TMEM132D: variants seen among roughly 807,000 people sequenced by gnomAD.
The protein encoded by TMEM132D is transmembrane protein 132D, also known as mature OL transmembrane protein.
A neutral mutation model predicts 62.3 loss-of-function variants in TMEM132D; 21 were observed. That is an observed-to-expected ratio of 0.34 (90% CI 0.24 to 0.49). TMEM132D has a LOEUF of 0.49. TMEM132D is among the 20% of genes least tolerant of loss of function. The probability of loss-of-function intolerance (pLI) is 0.99; values close to 1 mark genes in which losing one functional copy is unlikely to be tolerated. For synonymous variants in TMEM132D, 621 were observed against 575.6 expected (o/e 1.08, Z -1.13); for missense variants, 1,346 against 1,402.8 (o/e 0.96, Z 0.65).
At chr12:129,304,724 C>T (rs541859817) in intron 4 of TMEM132D, among the ~76,000 whole-genome samples, 10 of 131,658 alleles carry the variant, frequency 7.6e-5, no homozygotes, top group East Asian at 2.3e-4. Context: ...AATGCAGTGT[C>T]GCAATCTCAG....
intron 1 of TMEM132D, among the ~76,000 whole-genome samples, chr12:129,778,478 C>T (rs1871019860): frequency 6.6e-6 from 1 of 152,138 alleles, no homozygotes. Flanking sequence ...CTGTTTGTGA[C>T]TCCCGAAAGA....
At position 129,277,930 on chromosome 12, in the gene TMEM132D, CCA is replaced by C. The variant is rs1407117958; in HGVS notation, c.1299+59702_1299+59703del. Among the ~76,000 whole-genome samples, 1 of 152,154 alleles carries C rather than the reference CCA, an allele frequency of 6.6e-6. No individual in the cohort carries two copies. Among genetic ancestry groups the C allele is most frequent in the Non-Finnish European group, 1.5e-5 (1 of 68,042 alleles). On this transcript the variant is annotated intron_variant, in intron 4 of 8. Coordinates refer to ENST00000422113, the MANE Select transcript of TMEM132D (RefSeq NM_133448.3). This position sits in a 1 kb window ranked among gnomAD's most constrained non-coding sequence, Gnocchi z 4.2. ...AGAGAGCAGCAAATGTCCTAAATGA[CCA>C]CCAGTCTTCTGGTTGCCCACCTTTC...
chr12:129,087,937 A>C (rs796323649), intron 5 of TMEM132D, among the ~76,000 whole-genome samples: 645 of 27,998 alleles, frequency 0.023, 20 homozygotes, highest in Admixed American at 0.043. Context: ...GGTGTCCTCC[A>C]TGACCGGGGT....
chr12:129,088,797 C>T lies in TMEM132D; in HGVS notation c.1444-4095G>A, dbSNP rs559279625. On this transcript the variant is annotated intron_variant, in intron 5 of 8. Coordinates refer to ENST00000422113, the MANE Select transcript of TMEM132D (RefSeq NM_133448.3). The stretch of plus-strand genomic sequence containing the variant: ...CCATGACCGGGGTGTCCTCCATGAC[C>T]GGGTGTCCTCCCTGACCGGGTGTCC... 7.0e-5 allele frequency among the ~76,000 whole-genome samples: 3 copies of T among 42,752 alleles called. 1 individual carries two copies. In the East Asian group the frequency reaches 5.6e-3, roughly 80 times the overall value. The allele number at this position is 42,752 out of a possible 152,430, so 28.0% of individuals were successfully genotyped here.
At chr12:129,739,802 T>C (rs902373405) in intron 1 of TMEM132D, among the ~76,000 whole-genome samples, 8 of 152,170 alleles carry the variant, frequency 5.3e-5, no homozygotes, top group Admixed American at 2.6e-4. Context: ...GATGAAGTCA[T>C]CTAGCAAAAT....
intron 4 of TMEM132D, among the ~76,000 whole-genome samples, chr12:129,217,975 A>G (rs1449568026): frequency 1.3e-5 from 2 of 152,272 alleles, no homozygotes; most frequent in East Asian, 3.9e-4. Context: ...CCCCTGGTCA[A>G]AAGTAGGCAG....
chr12:129,780,310 G>A (rs1238319620), intron 1 of TMEM132D, among the ~76,000 whole-genome samples: 4 of 147,862 alleles, frequency 2.7e-5, no homozygotes, highest in African/African-American at 7.5e-5. Context: ...TCAGGGCTTT[G>A]GCTTAGCTTG....
chr12:129,612,873 C>T (rs1457417126), intron 2 of TMEM132D, among the ~76,000 whole-genome samples: 2 of 152,122 alleles, frequency 1.3e-5, no homozygotes, highest in African/African-American at 2.4e-5. Flanking sequence ...CTCCAACAAA[C>T]GGACAAACAA....
At chr12:129,653,047 T>C (rs190487108) in intron 2 of TMEM132D, among the ~76,000 whole-genome samples, 91 of 152,318 alleles carry the variant, frequency 6.0e-4, no homozygotes, top group South Asian at 3.9e-3. Flanking sequence ...AGTGGACGCA[T>C]TTTAAGTCAG....
At chr12:129,640,221 G>T (rs993970544) in intron 2 of TMEM132D, among the ~76,000 whole-genome samples, 3 of 152,138 alleles carry the variant, frequency 2.0e-5, no homozygotes, top group Non-Finnish European at 4.4e-5. Context: ...AAATATATTA[G>T]GTTCTCCAGG....
chr12:129,319,762 C>T (rs7961676), intron 4 of TMEM132D, among the ~76,000 whole-genome samples: 40,499 of 152,028 alleles, frequency 0.27, 6,294 homozygotes, highest in Non-Finnish European at 0.34. Flanking sequence ...CTTGGTATTC[C>T]GCAGAAGGTA....
intron 2 of TMEM132D, among the ~76,000 whole-genome samples, chr12:129,673,026 G>A (rs927650439): frequency 9.2e-5 from 14 of 152,208 alleles, no homozygotes; most frequent in African/African-American, 3.4e-4. Flanking sequence ...GGGATTACAG[G>A]CATGAGGCAC....
At chr12:129,809,788 A>C (rs7979368) in intron 1 of TMEM132D, among the ~76,000 whole-genome samples, 1 of 152,100 alleles carries the variant, frequency 6.6e-6, no homozygotes, top group Non-Finnish European at 1.5e-5. Context: ...TACATGATGA[A>C]AAGTAGCAAT....
chr12:129,812,760 T>C (rs190174385), intron 1 of TMEM132D, among the ~76,000 whole-genome samples: 36 of 151,866 alleles, frequency 2.4e-4, no homozygotes, highest in African/African-American at 8.7e-4. Context: ...TCTCTTTTCC[T>C]GGGCCGTTTG....
intron 4 of TMEM132D, among the ~76,000 whole-genome samples, chr12:129,265,528 G>C (rs1489952685): frequency 6.6e-6 from 1 of 152,150 alleles, no homozygotes; most frequent in African/African-American, 2.4e-5. Context: ...CCATTGCCCT[G>C]GGGGTAAGCC....
intron 2 of TMEM132D, among the ~76,000 whole-genome samples, chr12:129,648,512 T>G (rs1392641459): frequency 2.0e-5 from 3 of 152,354 alleles, no homozygotes; most frequent in Admixed American, 2.0e-4. Context: ...AAATCAGCTC[T>G]ATCAGGGCAA....
intron 5 of TMEM132D, among the ~76,000 whole-genome samples, chr12:129,094,640 T>C (rs1233025416): frequency 2.0e-5 from 3 of 152,210 alleles, no homozygotes; most frequent in African/African-American, 7.2e-5. Context: ...CTCAGGGATC[T>C]AGAGCTAGAA....
chr12:129,388,169 G>T (rs1424639837), intron 3 of TMEM132D, among the ~76,000 whole-genome samples: 1 of 118,754 alleles, frequency 8.4e-6, no homozygotes, highest in Admixed American at 8.2e-5. Flanking sequence ...AACACTAATA[G>T]CAACACCAAT....
rs551255443 is a variant in TMEM132D at position 129,518,570 on chromosome 12, C to A, written c.1115+12489G>T. ...GTGTGTGTGTGTGTATATATATACA[C>A]ACACACACACATATATATAAAAATA... On this transcript the variant is annotated intron_variant, in intron 3 of 8. Coordinates refer to ENST00000422113, the MANE Select transcript of TMEM132D (RefSeq NM_133448.3). Among the ~76,000 whole-genome samples, 185 of 89,010 alleles carry A rather than the reference C, an allele frequency of 2.1e-3. 1 individual carries two copies. Among genetic ancestry groups the A allele is most frequent in the African/African-American group, 5.3e-3 (175 of 32,854 alleles). The allele number at this position is 89,010 out of a possible 152,430, so 58.4% of individuals were successfully genotyped here.
Sources: allele counts gnomAD v4.1 joint callset (sites outside exome capture counted in the v4.1 genomes callset), GRCh38; gene constraint gnomAD v4.1.1; non-coding constraint Gnocchi (gnomAD v3.1); transcripts MANE v1.5; gene names NCBI Gene and HGNC (gene_info 2026-07-23, HGNC 2026-07-21).